Variants in SAMD12 observed in about 807,000 individuals in gnomAD.
SAMD12 encodes sterile alpha motif domain containing 12.
SAMD12 carries 9 observed loss-of-function variants against 15.0 expected under a neutral mutation model. The ratio of observed to expected loss-of-function variants is 0.60; its 90% CI spans 0.36 to 1.05. The LOEUF is 1.05. Ranked by LOEUF, SAMD12 falls within the 50% of genes least tolerant of loss-of-function variation. SAMD12 has a pLI of 0.01. For missense variants in SAMD12, 230 were observed against 234.2 expected, an observed-to-expected ratio of 0.98 and a Z score of 0.12; for synonymous variants, 86 against 90.1, an observed-to-expected ratio of 0.96 and a Z score of 0.25.
intron 4 of SAMD12, among the ~76,000 whole-genome samples, chr8:118,228,801 G>GA (rs1370068396): frequency 6.6e-6 from 1 of 152,016 alleles, no homozygotes; most frequent in Admixed American, 6.6e-5. Flanking sequence ...CTACCCAGAG[G>GA]AAAAAAAGTC....
At chr8:118,418,247 T>C (rs935589469) in intron 3 of SAMD12, among the ~76,000 whole-genome samples, 2 of 152,198 alleles carry the variant, frequency 1.3e-5, no homozygotes, top group African/African-American at 4.8e-5. Flanking sequence ...TCACCCTTAG[T>C]GGTTTATGCA....
At chr8:118,610,621 A>G (rs1361994757) in intron 1 of SAMD12, among the ~76,000 whole-genome samples, 1 of 152,238 alleles carries the variant, frequency 6.6e-6, no homozygotes, top group Non-Finnish European at 1.5e-5. Context: ...ATCACAAAAT[A>G]ACATTAGTTC....
intron 4 of SAMD12, among the ~76,000 whole-genome samples, chr8:118,305,519 C>CTTAA: frequency 6.6e-6 from 1 of 152,130 alleles, no homozygotes; most frequent in East Asian, 1.9e-4. Flanking sequence ...TATTGTTTAC[C>CTTAA]CATTTGTCTG....
intron 2 of SAMD12, among the ~76,000 whole-genome samples, chr8:118,526,426 C>A (rs1430797801): frequency 6.6e-6 from 1 of 152,034 alleles, no homozygotes; most frequent in Non-Finnish European, 1.5e-5. Context: ...TTGGTTTCAC[C>A]TCTATAAATT....
In SAMD12 at chr8:118,606,750, G is replaced by A. The variant is rs139275605; in HGVS notation, c.13+15054C>T. On this transcript the variant is annotated intron_variant, in intron 1 of 3. Coordinates refer to ENST00000314727, the MANE Select transcript of SAMD12 (RefSeq NM_207506.3). ...TAAAATCAGGGACAAAAACCTCAAC[G>A]CCCTAGAAACCTAAATCTTAAAGCC... 1.2e-3 allele frequency among the ~76,000 whole-genome samples: 186 copies of A among 152,252 alleles called. 1 individual carries two copies. Among genetic ancestry groups the A allele is most frequent in the Non-Finnish European group, 2.3e-3 (159 of 68,020 alleles).
At chr8:118,600,777 C>G (rs1827843553) in intron 1 of SAMD12, among the ~76,000 whole-genome samples, 1 of 151,956 alleles carries the variant, frequency 6.6e-6, no homozygotes, top group Non-Finnish European at 1.5e-5. Flanking sequence ...TTCTCCCAAG[C>G]CATTTGTGCT....
chr8:118,566,546 G>T (rs1008061225), intron 2 of SAMD12, among the ~76,000 whole-genome samples: 6 of 152,142 alleles, frequency 3.9e-5, no homozygotes, highest in African/African-American at 1.4e-4. Context: ...AGAACAGTTT[G>T]TGTATTTTTA....
At chr8:118,267,735 A>G (rs1222922953) in intron 4 of SAMD12, among the ~76,000 whole-genome samples, 2 of 135,416 alleles carry the variant, frequency 1.5e-5, no homozygotes, top group Non-Finnish European at 3.2e-5. Flanking sequence ...GTGTGTGTGT[A>G]TTTAAAGATA....
At chr8:118,590,897 A>C (rs1827571317) in intron 1 of SAMD12, among the ~76,000 whole-genome samples, 2 of 152,190 alleles carry the variant, frequency 1.3e-5, no homozygotes, top group Non-Finnish European at 2.9e-5. Flanking sequence ...ACAAATGGAA[A>C]AAATAAGCTT....
At chr8:118,208,864 A>G (rs563145368) in intron 4 of SAMD12, among the ~76,000 whole-genome samples, 1 of 152,282 alleles carries the variant, frequency 6.6e-6, no homozygotes, top group Admixed American at 6.5e-5. Flanking sequence ...TTTCACCCAT[A>G]TTGTAAGTGT....
chr8:118,270,810 C>T (rs1350229027), intron 4 of SAMD12, among the ~76,000 whole-genome samples: 1 of 152,014 alleles, frequency 6.6e-6, no homozygotes, highest in Admixed American at 6.6e-5. Context: ...ATCCAAAAGA[C>T]AACAACACAT....
chr8:118,465,808 A>C (rs1452119087), intron 2 of SAMD12, among the ~76,000 whole-genome samples: 1 of 152,148 alleles, frequency 6.6e-6, no homozygotes, highest in Non-Finnish European at 1.5e-5. Flanking sequence ...GACCAAGGAC[A>C]TTCTTGGAAT....
At chr8:118,335,556 T>C (rs969525706) in intron 4 of SAMD12, among the ~76,000 whole-genome samples, 1 of 152,218 alleles carries the variant, frequency 6.6e-6, no homozygotes, top group African/African-American at 2.4e-5. Flanking sequence ...CTTGCTATTC[T>C]GAGGGTGGCA....
At chr8:118,136,466 T>G in the SAMD12 span, among the ~76,000 whole-genome samples, 1 of 152,200 alleles carries the variant, frequency 6.6e-6, no homozygotes, top group African/African-American at 2.4e-5. Context: ...AAACAGTTTT[T>G]CAAGTTGTAA....
At chr8:118,179,455 A>T in the SAMD12 span, among the ~76,000 whole-genome samples, 3 of 152,016 alleles carry the variant, frequency 2.0e-5, no homozygotes, top group Non-Finnish European at 4.4e-5. Context: ...AAAAAAAAAA[A>T]AAGAATTCTA....
chr8:118,172,481 G>T, the SAMD12 span, among the ~76,000 whole-genome samples: 2 of 152,158 alleles, frequency 1.3e-5, no homozygotes, highest in African/African-American at 2.4e-5. Flanking sequence ...ATGCCTGTTT[G>T]AGCAAATTGG....
At chr8:118,459,368 A>G (rs891308991) in intron 2 of SAMD12, among the ~76,000 whole-genome samples, 1 of 150,916 alleles carries the variant, frequency 6.6e-6, no homozygotes, top group Non-Finnish European at 1.5e-5. Context: ...ACCTGGTCTC[A>G]AAGAATAATT....
intron 4 of SAMD12, among the ~76,000 whole-genome samples, chr8:118,352,872 G>T (rs1376457033): frequency 6.6e-6 from 1 of 152,102 alleles, no homozygotes; most frequent in East Asian, 1.9e-4. Context: ...TGATAAAAAG[G>T]AACTTGGCCA....
At chr8:118,291,043 T>C (rs1008015856) in intron 4 of SAMD12, among the ~76,000 whole-genome samples, 1 of 152,202 alleles carries the variant, frequency 6.6e-6, no homozygotes, top group African/African-American at 2.4e-5. Flanking sequence ...TTAACTGAAA[T>C]GTTGGCTTAC....
Sources: allele counts gnomAD v4.1 joint callset (sites outside exome capture counted in the v4.1 genomes callset), GRCh38; gene constraint gnomAD v4.1.1; transcripts MANE v1.5; gene names NCBI Gene and HGNC (gene_info 2026-07-23, HGNC 2026-07-21).